The following WWOX variants were observed in gnomAD, a reference collection of about 807,000 sequenced individuals.
WWOX encodes WW domain-containing oxidoreductase.
A neutral mutation model predicts 46.2 loss-of-function variants in WWOX; 69 were observed. The ratio of observed to expected loss-of-function variants is 1.49; its 90% confidence interval spans 1.23 to 1.82. The LOEUF is 1.82. WWOX is among the 40% of genes most tolerant of loss of function. The pLI is 0.00. For synonymous variants in WWOX, 359 were observed against 202.6 expected, an observed-to-expected ratio of 1.77 and a Z score of -6.56; for missense variants, 919 against 542.6, an observed-to-expected ratio of 1.69 and a Z score of -6.89.
At chr16:78,128,187 CT>C (rs568825040) in intron 4 of WWOX, among the ~76,000 whole-genome samples, 63 of 146,752 alleles carry the variant, frequency 4.3e-4, no homozygotes, top group Middle Eastern at 3.5e-3. Flanking sequence ...GAGCTCTTGA[CT>C]TTTTTTTTTT....
intron 5 of WWOX, among the ~76,000 whole-genome samples, chr16:78,248,416 G>T (rs1467570974): frequency 6.6e-6 from 1 of 152,076 alleles, no homozygotes; most frequent in Non-Finnish European, 1.5e-5. Context: ...CTTCCACCAG[G>T]CCCCACCTCC....
chr16:78,814,258 C>G (rs2051272424), intron 8 of WWOX, among the ~76,000 whole-genome samples: 1 of 152,162 alleles, frequency 6.6e-6, no homozygotes, highest in South Asian at 2.1e-4. Context: ...TTTCATCTTT[C>G]TGGAATTTTT....
intron 5 of WWOX, among the ~76,000 whole-genome samples, chr16:78,239,546 T>C (rs2037560048): frequency 6.6e-6 from 1 of 152,082 alleles, no homozygotes; most frequent in African/African-American, 2.4e-5. Context: ...GCTTTTTTTC[T>C]TTTTTTGAGA....
At chr16:78,909,352 C>T (rs1053008418) in intron 8 of WWOX, among the ~76,000 whole-genome samples, 3 of 152,160 alleles carry the variant, frequency 2.0e-5, no homozygotes, top group Non-Finnish European at 4.4e-5. Flanking sequence ...GAGTGGCCTT[C>T]GAGCCTCATG....
At chr16:78,847,015 T>C (rs181622449) in intron 8 of WWOX, among the ~76,000 whole-genome samples, 4 of 152,380 alleles carry the variant, frequency 2.6e-5, no homozygotes, top group East Asian at 1.9e-4. Context: ...AGGAGGTCTT[T>C]CGGGCAGGTT....
Position 79,211,650 on chromosome 16 carries a change from G to C in WWOX, c.1099G>C (p.Glu367Gln). ...ATTVYCAAVP[E>Q]LEGLGGMYFN... ...CACCGTGTACTGTGCTGCTGTCCCAGAACTGGAGGGTCTGGGAGGGATGTA... is the reference window on the plus strand; with the variant it reads ...CACCGTGTACTGTGCTGCTGTCCCACAACTGGAGGGTCTGGGAGGGATGTA... Residue 367 changes from glutamate to glutamine, a missense_variant, in exon 9 of 9, where the codon GAA (glutamate) becomes CAA (glutamine). By Grantham distance (29) the Glu-to-Gln change is conservative. Transcript: ENST00000566780. 5.0e-6 allele frequency: 8 copies of C among 1,614,192 alleles called. No homozygotes were observed. The highest frequency in any genetic ancestry group is 6.8e-6 in the Non-Finnish European group (8 of 1,180,040).
intron 8 of WWOX, among the ~76,000 whole-genome samples, chr16:78,633,178 C>G (rs994502165): frequency 3.0e-4 from 46 of 152,228 alleles, no homozygotes; most frequent in Non-Finnish European, 4.0e-4. Context: ...AGGAGAATCG[C>G]TTGAGCCTGG....
chr16:79,042,830 A>C, intron 8 of WWOX, among the ~76,000 whole-genome samples: 1 of 152,250 alleles, frequency 6.6e-6, no homozygotes, highest in Admixed American at 6.5e-5. Flanking sequence ...AAAACAAAAC[A>C]AGAAACCCAG....
chr16:78,588,196 C>T (rs571595983), intron 8 of WWOX, among the ~76,000 whole-genome samples: 4 of 152,280 alleles, frequency 2.6e-5, no homozygotes, highest in African/African-American at 9.6e-5. Flanking sequence ...TCCATTGCTC[C>T]AGGTGAAGCT....
At chr16:78,705,776 C>A (rs1393315854) in intron 8 of WWOX, among the ~76,000 whole-genome samples, 1 of 152,076 alleles carries the variant, frequency 6.6e-6, no homozygotes, top group Non-Finnish European at 1.5e-5. Context: ...TGCTTTTGTG[C>A]ACACATACAT....
chr16:78,499,538 C>T (rs1172807935), intron 8 of WWOX, among the ~76,000 whole-genome samples: 1 of 152,208 alleles, frequency 6.6e-6, no homozygotes, highest in Non-Finnish European at 1.5e-5. Flanking sequence ...TCAGCTGTCT[C>T]CTTGAGTCCA....
At chr16:78,831,489 G>T (rs577259255) in intron 8 of WWOX, among the ~76,000 whole-genome samples, 46 of 152,270 alleles carry the variant, frequency 3.0e-4, no homozygotes, top group Middle Eastern at 6.8e-3. Flanking sequence ...GTGGCTTTGA[G>T]TATACACTGG....
intron 8 of WWOX, among the ~76,000 whole-genome samples, chr16:79,093,678 C>T (rs939049343): frequency 2.6e-5 from 4 of 152,198 alleles, no homozygotes; most frequent in Non-Finnish European, 5.9e-5. Flanking sequence ...CCTGTCGAGG[C>T]ACAGGCAGTG....
At chr16:78,864,911 C>T (rs936660362) in intron 8 of WWOX, among the ~76,000 whole-genome samples, 1 of 151,530 alleles carries the variant, frequency 6.6e-6, no homozygotes, top group Non-Finnish European at 1.5e-5. Flanking sequence ...CACAGGCGTG[C>T]ACCACCACAC....
At chr16:78,769,146 G>A (rs2049998963) in intron 8 of WWOX, among the ~76,000 whole-genome samples, 1 of 152,184 alleles carries the variant, frequency 6.6e-6, no homozygotes, top group Admixed American at 6.5e-5. Context: ...ATTGGTGGAA[G>A]GATGGAAAGG....
At chr16:78,789,451 T>C (rs148773391) in intron 8 of WWOX, among the ~76,000 whole-genome samples, 1,628 of 152,330 alleles carry the variant, frequency 0.011, 16 homozygotes, top group South Asian at 0.022. Flanking sequence ...CAGAGATCAA[T>C]TGGCCATAAA....
At chr16:78,661,846 G>A (rs527965485) in intron 8 of WWOX, among the ~76,000 whole-genome samples, 1 of 152,330 alleles carries the variant, frequency 6.6e-6, no homozygotes, top group Non-Finnish European at 1.5e-5. Flanking sequence ...AGACCAGCCT[G>A]GGCAAACAGC....
At chr16:78,614,788 T>A (rs1344999606) in intron 8 of WWOX, among the ~76,000 whole-genome samples, 1 of 152,208 alleles carries the variant, frequency 6.6e-6, no homozygotes, top group Non-Finnish European at 1.5e-5. Context: ...TGTTTTGGTT[T>A]TTAAATGTTT....
chr16:78,156,423 T>TTA (rs1014788003), intron 4 of WWOX, among the ~76,000 whole-genome samples: 56 of 152,228 alleles, frequency 3.7e-4, no homozygotes, highest in African/African-American at 1.3e-3. Context: ...TTATTCATTA[T>TTA]TATAAAGGAA....
Sources: allele counts gnomAD v4.1 joint callset (sites outside exome capture counted in the v4.1 genomes callset), GRCh38; gene constraint gnomAD v4.1.1; transcripts MANE v1.5; gene names NCBI Gene and HGNC (gene_info 2026-07-23, HGNC 2026-07-21).